The following NAF1 variants were observed in gnomAD, a reference collection of about 807,000 sequenced individuals.
The protein encoded by NAF1 is nuclear assembly factor 1 ribonucleoprotein.
NAF1 carries 11 observed loss-of-function variants against 40.6 expected under a neutral mutation model. That is an observed-to-expected ratio of 0.27 (90% CI 0.17 to 0.45). The LOEUF is 0.45. NAF1 is among the 20% of genes least tolerant of loss of function. NAF1 has a pLI of 1.00. For synonymous variants in NAF1, 260 were observed against 228.5 expected, an observed-to-expected ratio of 1.14 and a Z score of -1.24; for missense variants, 607 against 611.1, an observed-to-expected ratio of 0.99 and a Z score of 0.07.
At chr4:163,117,070 C>T (rs1730360676) in intron 2 of NAF1, among the ~76,000 whole-genome samples, 1 of 152,180 alleles carries the variant, frequency 6.6e-6, no homozygotes, top group South Asian at 2.1e-4. Context: ...CCCGTCATAC[C>T]TATCTACCTG....
chr4:163,115,240 G>C (rs2110813266), intron 2 of NAF1, among the ~76,000 whole-genome samples: 1 of 122,184 alleles, frequency 8.2e-6, no homozygotes, highest in East Asian at 2.6e-4. Flanking sequence ...ACAGAGTCTC[G>C]CTCTGTCGCC....
intron 2 of NAF1, among the ~76,000 whole-genome samples, chr4:163,116,247 G>A (rs1173429185): frequency 1.3e-5 from 2 of 152,160 alleles, no homozygotes; most frequent in Admixed American, 1.3e-4. Flanking sequence ...GTATACATAA[G>A]TGAAACCCTT....
At chr4:163,140,759 CTG>C (rs1401952192) in intron 4 of NAF1, among the ~76,000 whole-genome samples, 1 of 152,086 alleles carries the variant, frequency 6.6e-6, no homozygotes, top group Non-Finnish European at 1.5e-5. Flanking sequence ...TTTGAGAAAA[CTG>C]TATACATTTG....
At chr4:163,119,387 T>G (rs916881064) in intron 2 of NAF1, 22 of 152,236 alleles carry the variant, frequency 1.4e-4, no homozygotes, top group African/African-American at 5.1e-4. Flanking sequence ...GTCTCCAGCC[T>G]CTTTTTCTGT....
intron 5 of NAF1, among the ~76,000 whole-genome samples, chr4:163,138,073 T>C (rs1731125807): frequency 6.6e-6 from 1 of 152,138 alleles, no homozygotes; most frequent in Non-Finnish European, 1.5e-5. Context: ...CAAAGTAAAA[T>C]ATTACAAAGT....
At chr4:163,138,886 AG>A (rs1473031046) in intron 5 of NAF1, among the ~76,000 whole-genome samples, 1 of 152,184 alleles carries the variant, frequency 6.6e-6, no homozygotes, top group African/African-American at 2.4e-5. Flanking sequence ...TATTCAAAGC[AG>A]GATGAAATGC....
intron 1 of NAF1, among the ~76,000 whole-genome samples, chr4:163,166,002 C>T (rs549060570): frequency 6.6e-6 from 1 of 152,156 alleles, no homozygotes. Flanking sequence ...TCAGATCTGA[C>T]ACAAAACTCA....
At chr4:163,154,370 T>C (rs1463845754) in intron 2 of NAF1, among the ~76,000 whole-genome samples, 2 of 152,116 alleles carry the variant, frequency 1.3e-5, no homozygotes, top group African/African-American at 2.4e-5. Flanking sequence ...ACATAAAAGG[T>C]ATATAAAAAC....
At chr4:163,162,814 G>A (rs1732280591) in intron 2 of NAF1, among the ~76,000 whole-genome samples, 1 of 152,070 alleles carries the variant, frequency 6.6e-6, no homozygotes, top group African/African-American at 2.4e-5. Flanking sequence ...ACTCCACTGG[G>A]GACTATGGGA....
chr4:163,161,519 A>T (rs980429072), intron 2 of NAF1, among the ~76,000 whole-genome samples: 2 of 152,132 alleles, frequency 1.3e-5, no homozygotes, highest in Admixed American at 1.3e-4. Context: ...AGATAAACAG[A>T]GGAAGCCAAC....
At position 163,128,823 on chromosome 4, in the gene NAF1, A is replaced by G; in HGVS notation, c.*74T>C. ...AGTGTTTTTAAAAATCTAGCTCCATAATCACTCTTGAAAAAAAAAAATCCT... is the reference window on the plus strand; with the variant it reads ...AGTGTTTTTAAAAATCTAGCTCCATGATCACTCTTGAAAAAAAAAAATCCT... On this transcript the variant is annotated 3_prime_UTR_variant, in exon 8 of 8. Coordinates refer to ENST00000274054, the MANE Select transcript of NAF1 (RefSeq NM_138386.3). 1 of 1,412,654 alleles carries G rather than the reference A, an allele frequency of 7.1e-7. No individual in the cohort carries two copies. Among genetic ancestry groups the G allele is most frequent in the African/African-American group, 1.4e-5 (1 of 69,704 alleles). 87.5% of individuals were successfully genotyped at this position (1,412,654 alleles called of 1,614,324 possible). A position where few individuals can be genotyped will look rare whatever the true frequency, so the allele number is the denominator to read the frequency against.
chr4:163,140,892 T>TAA (rs747519002), intron 4 of NAF1, among the ~76,000 whole-genome samples: 4 of 152,212 alleles, frequency 2.6e-5, no homozygotes, highest in Non-Finnish European at 5.9e-5. Flanking sequence ...ATTTAACAAC[T>TAA]AATAAAGTAG....
At chr4:163,130,066 C>G (rs1333878867) in intron 7 of NAF1, among the ~76,000 whole-genome samples, 2 of 152,136 alleles carry the variant, frequency 1.3e-5, no homozygotes, top group African/African-American at 4.8e-5. Flanking sequence ...TTCAATCTAC[C>G]CTGTTCCTTT....
At chr4:163,119,308 C>T (rs1171168340) in intron 2 of NAF1, 4 of 152,174 alleles carry the variant, frequency 2.6e-5, no homozygotes, top group Non-Finnish European at 4.4e-5. Context: ...ATTTGTTAAG[C>T]TGAATATAGT....
At chr4:163,145,413 A>C (rs1477325942) in intron 4 of NAF1, among the ~76,000 whole-genome samples, 1 of 152,212 alleles carries the variant, frequency 6.6e-6, no homozygotes, top group African/African-American at 2.4e-5. Context: ...GGAGCTCACA[A>C]AACAAAAATG....
intron 2 of NAF1, chr4:163,119,916 A>C (rs1480517473): frequency 6.6e-6 from 1 of 152,256 alleles, no homozygotes; most frequent in Non-Finnish European, 1.5e-5. Context: ...TAATCTTGCT[A>C]AACAGAATTC....
intron 2 of NAF1, among the ~76,000 whole-genome samples, chr4:163,151,392 T>G (rs1441885397): frequency 6.6e-6 from 1 of 151,966 alleles, no homozygotes; most frequent in Non-Finnish European, 1.5e-5. Flanking sequence ...TTTGTGTATT[T>G]GGTCCATTCA....
chr4:163,152,904 C>G (rs1395871060), intron 2 of NAF1, among the ~76,000 whole-genome samples: 1 of 152,166 alleles, frequency 6.6e-6, no homozygotes, highest in African/African-American at 2.4e-5. Flanking sequence ...GCTGGAGTTC[C>G]GGGTGGGCAT....
chr4:163,130,799 C>T (rs1271593306), intron 7 of NAF1, among the ~76,000 whole-genome samples: 4 of 152,168 alleles, frequency 2.6e-5, no homozygotes, highest in African/African-American at 4.8e-5. Context: ...TCAAAATGGA[C>T]CACAGACCTC....
Sources: gnomAD v4.1 joint callset for allele counts (sites outside exome capture counted in the v4.1 genomes callset) on GRCh38, gnomAD v4.1.1 for gene constraint, MANE v1.5 for transcripts, NCBI Gene and HGNC (gene_info 2026-07-23, HGNC 2026-07-21) for gene names.